Variants in KMT2A observed in about 807,000 individuals in gnomAD.
KMT2A encodes the protein lysine methyltransferase 2A, also known as histone-lysine N-methyltransferase 2A.
Under a neutral mutation model 345.3 loss-of-function variants are expected in KMT2A, and 16 were observed. The observed-to-expected ratio is 0.05, with a 90% CI of 0.03 to 0.07. The LOEUF (loss-of-function observed/expected upper bound fraction) is 0.07. KMT2A is among the 10% of genes least tolerant of loss of function. KMT2A has a pLI of 1.00. For missense variants in KMT2A, 3,272 were observed against 4,841.6 expected (o/e 0.68, Z 9.62); for synonymous variants, 1,599 against 1,778.6 (o/e 0.90, Z 2.54).
rs1950550080 is a variant in KMT2A at position 118,504,463 on chromosome 11, A to G, written c.8571A>G (p.Leu2857=). Residue 2857 remains leucine (L), a synonymous_variant, in exon 27 of 36, where the codon CTA becomes CTG. Transcript: ENST00000534358. The surrounding 1 kb of genome is among the most constrained non-coding windows in gnomAD (Gnocchi z 6.4). ...ILPSDIMDFV[L]KNTPSMQALG... Reference sequence around the variant, plus strand: ...CTTCAGACATTATGGACTTTGTACTAAAGAATACTCCATCCATGCAGGCTT... The same window carrying G: ...CTTCAGACATTATGGACTTTGTACTGAAGAATACTCCATCCATGCAGGCTT... 1 of 1,614,224 alleles carries G rather than the reference A, an allele frequency of 6.2e-7. No individual in the cohort carries two copies. The highest frequency in any genetic ancestry group is 8.5e-7 in the Non-Finnish European group (1 of 1,180,020).
At position 118,436,781 on chromosome 11, in the gene KMT2A, C is replaced by G. The variant is rs1555138708; in HGVS notation, c.269C>G (p.Ser90Trp). The G allele has an allele frequency of 1.2e-6, 2 of 1,604,904 alleles. No homozygotes were observed. Among genetic ancestry groups the G allele is most frequent in the South Asian group, 1.1e-5 (1 of 90,314 alleles). ...AASAASSSSASSSSSSSSSAS... is the reference protein window; with the variant it reads ...AASAASSSSAWSSSSSSSSAS... The stretch of plus-strand genomic sequence containing the variant: ...TCAGCAGCCTCCTCGTCGTCCGCCT[C>G]GTCTTCGTCTTCGTCATCGTCCTCA... Residue 90 changes from serine (S) to tryptophan (W), a missense_variant, in exon 1 of 36, where the codon TCG becomes TGG. Physicochemically the swap from Ser to Trp is radical, Grantham distance 177 (BLOSUM62 -3). Transcript: ENST00000534358. The surrounding 1 kb of genome is among the most constrained non-coding windows in gnomAD (Gnocchi z 6.9).
chr11:118,492,461 C>T (rs1057047423), intron 15 of KMT2A, among the ~76,000 whole-genome samples: 4 of 152,182 alleles, frequency 2.6e-5, no homozygotes, highest in Non-Finnish European at 5.9e-5. Context: ...GGGCGGATCA[C>T]GAGGTCAGGA....
At position 118,493,217 on chromosome 11, in the gene KMT2A, A is replaced by G. The variant is rs1950352793; in HGVS notation, c.5165A>G (p.Asn1722Ser). 3.1e-6 allele frequency: 5 copies of G among 1,614,084 alleles called. No homozygotes were observed. In the Admixed American group the frequency reaches 6.7e-5, roughly 22 times the overall value. Residue 1722 changes from asparagine (N) to serine (S), a missense_variant, in exon 16 of 36, where the codon AAT (asparagine) becomes AGT (serine). By Grantham distance (46) the Asn-to-Ser change is conservative. This residue lies in a region of KMT2A where 235 missense variants were observed against 503.4 expected (regional missense o/e 0.47). Transcript: ENST00000534358. This position sits in a 1 kb window ranked among gnomAD's most constrained non-coding sequence, Gnocchi z 5.8. ...GTCAAGAGGAAGATGGACCAAGGGA[A>G]TTACACATCTGTGGTATGTTTCTAC... Reference protein sequence around the residue: ...EGVKRKMDQGNYTSVLEFSDD... With the variant: ...EGVKRKMDQGSYTSVLEFSDD...
chr11:118,458,378 C>A (rs1264888440), intron 1 of KMT2A, among the ~76,000 whole-genome samples: 1 of 152,178 alleles, frequency 6.6e-6, no homozygotes, highest in East Asian at 1.9e-4. Flanking sequence ...TGAGCCACCT[C>A]GTCCTGCCCC....
chr11:118,452,057 G>A (rs897475862), intron 1 of KMT2A, among the ~76,000 whole-genome samples: 1 of 151,930 alleles, frequency 6.6e-6, no homozygotes, highest in Non-Finnish European at 1.5e-5. Flanking sequence ...AAGAGACGAG[G>A]TCTCACTATG....
Position 118,436,915 on chromosome 11 carries a change from GA to G in KMT2A, c.404del (p.Glu135GlyfsTer15). On this transcript the variant is annotated frameshift_variant, in exon 1 of 36. Coordinates refer to ENST00000534358, the MANE Select transcript of KMT2A (RefSeq NM_001197104.2). LOFTEE classifies it high-confidence loss of function. The surrounding 1 kb of genome is among the most constrained non-coding windows in gnomAD (Gnocchi z 6.9). ...NLRRFRAVFG[E>X]SGGGGGSGED... is the part of the protein sequence containing the mutation. ...GCGCCGGTTCCGGGCCGTGTTTGGG[GA>G]GAGCGGCGGGGGAGGCGGCAGCGGA... 1 of 1,565,906 alleles carries G rather than the reference GA, an allele frequency of 6.4e-7. No homozygotes were observed. The highest frequency in any genetic ancestry group is 8.7e-7 in the Non-Finnish European group (1 of 1,153,742).
chr11:118,505,418 T>A lies in KMT2A; in HGVS notation c.9526T>A (p.Phe3176Ile). 6.2e-7 allele frequency: 1 copy of A among 1,614,176 alleles called. No individual in the cohort carries two copies. The highest frequency in any genetic ancestry group is 8.5e-7 in the Non-Finnish European group (1 of 1,180,032). Reference sequence around the variant, plus strand: ...CTTCCCTGCAGCTACTCAAAGTAGTTTCCCACCAAACATCAGCAATCCTCC... The same window carrying A: ...CTTCCCTGCAGCTACTCAAAGTAGTATCCCACCAAACATCAGCAATCCTCC... ...HSFPAATQSS[F>I]PPNISNPPSG... is the part of the protein sequence containing the mutation. Residue 3176 changes from phenylalanine to isoleucine, a missense_variant, in exon 27 of 36, where the codon TTC (phenylalanine) becomes ATC (isoleucine). This residue lies in a region of KMT2A where 748 missense variants were observed against 922.2 expected (regional missense o/e 0.81). Transcript: ENST00000534358. The surrounding 1 kb of genome is among the most constrained non-coding windows in gnomAD (Gnocchi z 4.6).
intron 31 of KMT2A, chr11:118,512,279 C>A (rs1565311631): frequency 1.9e-6 from 1 of 514,836 alleles, no homozygotes; most frequent in Non-Finnish European, 3.4e-6. Context: ...AAGAAACCCC[C>A]TATTCATTAG....
chr11:118,516,247 G>A lies in KMT2A; in HGVS notation c.11147-3371G>A, dbSNP rs183250503. Among the ~76,000 whole-genome samples the A allele has an allele frequency of 8.0e-3, 1,219 of 152,310 alleles. 10 individuals are homozygous for A. Among genetic ancestry groups the A allele is most frequent in the Middle Eastern group, 0.024 (7 of 294 alleles). On this transcript the variant is annotated intron_variant, in intron 31 of 35. Transcript: ENST00000534358. ...GAAATAGAGAGTGACACAGAGGTGGGTAGTTGGTGACAGGAAATCTGGAAT... is the reference window on the plus strand; with the variant it reads ...GAAATAGAGAGTGACACAGAGGTGGATAGTTGGTGACAGGAAATCTGGAAT...
intron 1 of KMT2A, among the ~76,000 whole-genome samples, chr11:118,456,248 C>G (rs1949640363): frequency 6.6e-6 from 1 of 152,028 alleles, no homozygotes; most frequent in Non-Finnish European, 1.5e-5. Context: ...ACCTGTAATC[C>G]CAGCACTTTG....
chr11:118,517,404 AAAAAAAAAG>A (rs1950842503), intron 31 of KMT2A, among the ~76,000 whole-genome samples: 1 of 151,084 alleles, frequency 6.6e-6, no homozygotes, highest in Non-Finnish European at 1.5e-5. Context: ...TCAAAAAAAA[AAAAAAAAAG>A]AAAAGAAAAG....
rs782627566 is a variant in KMT2A, at chr11:118,497,953, A to T, written c.5682A>T (p.Leu1894=). The T allele has an allele frequency of 3.1e-6, 5 of 1,612,304 alleles. No individual in the cohort carries two copies. The highest frequency in any genetic ancestry group is 4.2e-6 in the Non-Finnish European group (5 of 1,178,462). ...TTTTATAGGATGCTGGTCGTTTACTATATATTGGCCAAAATGAGTGGACAC... is the reference window on the plus strand; with the variant it reads ...TTTTATAGGATGCTGGTCGTTTACTTTATATTGGCCAAAATGAGTGGACAC... ...DDSANDAGRL[L]YIGQNEWTHV... is the part of the protein sequence containing the mutation. Residue 1894 remains leucine (L), a synonymous_variant, in exon 21 of 36, where the codon CTA becomes CTT. Transcript: ENST00000534358. The surrounding 1 kb of genome is among the most constrained non-coding windows in gnomAD (Gnocchi z 4.8).
In KMT2A at chr11:118,472,787, C is replaced by A. The variant is rs1203844881; in HGVS notation, c.1628C>A (p.Thr543Lys). 2 of 1,613,646 alleles carry A rather than the reference C, an allele frequency of 1.2e-6. No homozygotes were observed. The highest frequency in any genetic ancestry group is 1.7e-6 in the Non-Finnish European group (2 of 1,179,958). The change falls in exon 3 of 36, where the codon ACG (threonine) becomes AAG (lysine). Residue 543 changes from threonine (T) to lysine (K), a missense_variant. Physicochemically the swap from Thr to Lys is moderately conservative, Grantham distance 78 (BLOSUM62 -1). This residue lies in a region of KMT2A where 180 missense variants were observed against 190.7 expected (regional missense o/e 0.94). Coordinates refer to ENST00000534358, the MANE Select transcript of KMT2A (RefSeq NM_001197104.2). ...VSERSFGSRT[T>K]KKLSTLQSAP... ...GAGAGAAGTTTTGGATCTAGAACGA[C>A]GAAAAAATTATCAACTCTACAAAGT...
At chr11:118,467,733 T>C (rs1447303599) in intron 1 of KMT2A, among the ~76,000 whole-genome samples, 1 of 152,234 alleles carries the variant, frequency 6.6e-6, no homozygotes, top group African/African-American at 2.4e-5. Flanking sequence ...CACATACATG[T>C]GTTCTTACCT....
intron 11 of KMT2A, among the ~76,000 whole-genome samples, chr11:118,489,097 C>T (rs1314868084): frequency 1.3e-5 from 2 of 151,816 alleles, no homozygotes; most frequent in Non-Finnish European, 2.9e-5. Context: ...GTGGTGGGCA[C>T]CTGTAGTCCC....
intron 15 of KMT2A, among the ~76,000 whole-genome samples, chr11:118,492,683 CA>C (rs1323196352): frequency 6.6e-6 from 1 of 151,600 alleles, no homozygotes; most frequent in Non-Finnish European, 1.5e-5. Context: ...CATCTCAAAA[CA>C]AAAAAAAGAA....
chr11:118,471,503 G>A (rs1050511612), intron 2 of KMT2A, among the ~76,000 whole-genome samples, 159 bp from the exon 3 acceptor site: 1 of 151,902 alleles, frequency 6.6e-6, no homozygotes, highest in Admixed American at 6.6e-5. Context: ...GCAAATTTTG[G>A]GTGAAAAGAA....
Position 118,493,145 on chromosome 11 carries a change from C to T in KMT2A, c.5093C>T (p.Thr1698Ile). Reference protein sequence around the residue: ...SPEGPDPPVLTEVSKQDDQQP... With the variant: ...SPEGPDPPVLIEVSKQDDQQP... ...GAAGGACCTGATCCACCAGTTCTTACTGAGGTCAGCAAACAGGATGATCAG... is the reference window on the plus strand; with the variant it reads ...GAAGGACCTGATCCACCAGTTCTTATTGAGGTCAGCAAACAGGATGATCAG... The change falls in exon 16 of 36, where the codon ACT becomes ATT. Residue 1698 changes from threonine (T) to isoleucine (I), a missense_variant. Physicochemically the swap from Thr to Ile is moderately conservative, Grantham distance 89. This residue lies in a region of KMT2A where 235 missense variants were observed against 503.4 expected (regional missense o/e 0.47). Coordinates refer to ENST00000534358, the MANE Select transcript of KMT2A (RefSeq NM_001197104.2). This position sits in a 1 kb window ranked among gnomAD's most constrained non-coding sequence, Gnocchi z 5.8. 6.2e-7 allele frequency: 1 copy of T among 1,614,034 alleles called. No homozygotes were observed. Among genetic ancestry groups the T allele is most frequent in the East Asian group, 2.2e-5 (1 of 44,872 alleles).
At chr11:118,441,979 G>A (rs1949323787) in intron 1 of KMT2A, among the ~76,000 whole-genome samples, 1 of 152,154 alleles carries the variant, frequency 6.6e-6, no homozygotes, top group Non-Finnish European at 1.5e-5. Context: ...TAGAGGGGGT[G>A]GCAACAGTGC....
Sources: gnomAD v4.1 joint callset for allele counts (sites outside exome capture counted in the v4.1 genomes callset) on GRCh38, gnomAD v4.1.1 for gene constraint, gnomAD v4.1.1 regional missense constraint, Gnocchi (gnomAD v3.1) non-coding constraint, MANE v1.5 for transcripts, NCBI Gene and HGNC (gene_info 2026-07-23, HGNC 2026-07-21) for gene names.